The following ZC3H12B variants were observed in gnomAD, a reference collection of about 807,000 sequenced individuals.
ZC3H12B encodes zinc finger CCCH-type containing 12B, also known as probable ribonuclease ZC3H12B.
ZC3H12B carries 7 observed loss-of-function variants against 43.9 expected under a neutral mutation model. The ratio of observed to expected loss-of-function variants is 0.16; its 90% CI spans 0.09 to 0.30. The LOEUF (loss-of-function observed/expected upper bound fraction) is 0.30. ZC3H12B is among the 10% of genes least tolerant of loss of function. ZC3H12B has a pLI of 1.00. For synonymous variants in ZC3H12B, 222 were observed against 241.7 expected (o/e 0.92, Z 0.76); for missense variants, 475 against 670.2 (o/e 0.71, Z 3.22).
chrX:65,380,195 G>C (rs975861392), intron 2 of ZC3H12B, among the ~76,000 whole-genome samples: 2 of 111,565 alleles, frequency 1.8e-5, no homozygotes, highest in Non-Finnish European at 3.8e-5. Flanking sequence ...AAATGTTAAG[G>C]GCAGCCAGAG....
At chrX:65,258,671 T>C in the ZC3H12B span, among the ~76,000 whole-genome samples, 1 of 111,651 alleles carries the variant, frequency 9.0e-6, no homozygotes, top group Non-Finnish European at 1.9e-5. Flanking sequence ...GAAAAACTCA[T>C]AGTCTCTTTC....
intron 3 of ZC3H12B, among the ~76,000 whole-genome samples, chrX:65,463,394 ATTTG>A (rs956876659): frequency 2.7e-5 from 3 of 111,970 alleles, no homozygotes; most frequent in African/African-American, 9.7e-5. Context: ...ATGTTTTTCC[ATTTG>A]TTTATGTCAT....
chrX:65,349,889 G>T, the ZC3H12B span, among the ~76,000 whole-genome samples: 5 of 111,417 alleles, frequency 4.5e-5, no homozygotes, highest in Non-Finnish European at 9.4e-5. Flanking sequence ...AAAAGTCCAG[G>T]AACAACATAT....
At chrX:65,112,805 ATGT>A in the ZC3H12B span, among the ~76,000 whole-genome samples, 3 of 111,706 alleles carry the variant, frequency 2.7e-5, no homozygotes, top group Non-Finnish European at 5.7e-5. Flanking sequence ...AAACAGATTA[ATGT>A]TGTTTTCATG....
chrX:65,051,194 G>C, the ZC3H12B span, among the ~76,000 whole-genome samples: 3 of 111,586 alleles, frequency 2.7e-5, no homozygotes, highest in African/African-American at 9.7e-5. Context: ...TGTGGCATCA[G>C]TTTTTATGTT....
chrX:65,139,655 T>A, the ZC3H12B span, among the ~76,000 whole-genome samples: 1 of 111,743 alleles, frequency 8.9e-6, no homozygotes, highest in Non-Finnish European at 1.9e-5. Context: ...TTACATTGAA[T>A]ATATAGATTG....
chrX:65,452,898 A>G, intron 3 of ZC3H12B, among the ~76,000 whole-genome samples: 1 of 106,842 alleles, frequency 9.4e-6, no homozygotes, highest in Non-Finnish European at 1.9e-5. Context: ...TGGATGGGTA[A>G]AATCAATATT....
the ZC3H12B span, among the ~76,000 whole-genome samples, chrX:65,175,453 G>C: frequency 1.8e-5 from 2 of 111,607 alleles, no homozygotes; most frequent in Non-Finnish European, 3.8e-5. Flanking sequence ...TGACTATCCA[G>C]CTCAAGAATT....
chrX:65,215,250 C>T, the ZC3H12B span, among the ~76,000 whole-genome samples: 2 of 111,719 alleles, frequency 1.8e-5, no homozygotes, highest in East Asian at 5.7e-4. Flanking sequence ...CATCCTGAAG[C>T]TTCAAAGCTT....
chrX:65,464,293 C>G (rs919841015), intron 3 of ZC3H12B, among the ~76,000 whole-genome samples: 2 of 111,791 alleles, frequency 1.8e-5, no homozygotes, highest in African/African-American at 6.5e-5. Context: ...TGAATTCAAT[C>G]TCTTTACTTA....
the ZC3H12B span, among the ~76,000 whole-genome samples, chrX:65,294,760 C>A: frequency 1.8e-5 from 2 of 111,281 alleles, no homozygotes; most frequent in Admixed American, 9.5e-5. Context: ...CAAAGAGGGA[C>A]ATTATATGAT....
At chrX:65,412,806 A>C (rs1378209154) in intron 3 of ZC3H12B, among the ~76,000 whole-genome samples, 1 of 109,290 alleles carries the variant, frequency 9.1e-6, no homozygotes, top group Non-Finnish European at 1.9e-5. Context: ...CTAGCCCTAG[A>C]ATTGTGAGAT....
the ZC3H12B span, among the ~76,000 whole-genome samples, chrX:65,334,583 C>T: frequency 8.9e-6 from 1 of 111,820 alleles, no homozygotes; most frequent in African/African-American, 3.3e-5. Flanking sequence ...AATTGGAGCA[C>T]CTTTATATAT....
chrX:65,417,296 G>T (rs2066973059), intron 3 of ZC3H12B, among the ~76,000 whole-genome samples: 1 of 111,858 alleles, frequency 8.9e-6, no homozygotes, highest in South Asian at 3.7e-4. Flanking sequence ...CTTTTATCCA[G>T]AATTTTTCCT....
At chrX:65,452,819 C>A (rs1262848447) in intron 3 of ZC3H12B, among the ~76,000 whole-genome samples, 4 of 103,552 alleles carry the variant, frequency 3.9e-5, no homozygotes, top group Non-Finnish European at 7.7e-5. Context: ...CCAGCCTGGG[C>A]AACAGAGTGA....
At chrX:65,453,303 T>C (rs1162755070) in intron 3 of ZC3H12B, among the ~76,000 whole-genome samples, 3 of 91,336 alleles carry the variant, frequency 3.3e-5, no homozygotes, top group African/African-American at 1.2e-4. Flanking sequence ...ACACACATGT[T>C]TATAGGCGCA....
chrX:65,383,814 A>G (rs1448227369), intron 2 of ZC3H12B, among the ~76,000 whole-genome samples: 3 of 111,161 alleles, frequency 2.7e-5, no homozygotes, highest in Admixed American at 9.7e-5. Context: ...CAAAACCACA[A>G]TGAGACACCA....
At chrX:65,432,350 A>T (rs2067172492) in intron 3 of ZC3H12B, among the ~76,000 whole-genome samples, 1 of 111,580 alleles carries the variant, frequency 9.0e-6, no homozygotes, top group South Asian at 3.8e-4. Context: ...CCCAAAAGAG[A>T]GTAGTTATTT....
At chrX:65,111,540 T>C in the ZC3H12B span, among the ~76,000 whole-genome samples, 3 of 94,692 alleles carry the variant, frequency 3.2e-5, no homozygotes, top group African/African-American at 1.9e-4. Flanking sequence ...AATTTTTATT[T>C]TTTTATTTTT....
Sources: allele counts gnomAD v4.1 joint callset (sites outside exome capture counted in the v4.1 genomes callset), GRCh38; gene constraint gnomAD v4.1.1; transcripts MANE v1.5; gene names NCBI Gene and HGNC (gene_info 2026-07-23, HGNC 2026-07-21).